The following CADM1 variants were observed in gnomAD, a reference collection of about 807,000 sequenced individuals.
The protein encoded by CADM1 is cell adhesion molecule 1, also known as TSLC-1.
Under a neutral mutation model 53.1 loss-of-function variants are expected in CADM1, and 15 were observed. The ratio of observed to expected loss-of-function variants is 0.28; its 90% CI spans 0.19 to 0.44. The LOEUF is 0.44. Ranked by LOEUF, CADM1 falls within the 20% of genes least tolerant of loss-of-function variation. The probability of loss-of-function intolerance (pLI) is 1.00; values close to 1 mark genes in which losing one functional copy is unlikely to be tolerated. For missense variants in CADM1, 434 were observed against 611.3 expected, an observed-to-expected ratio of 0.71 and a Z score of 3.06; for synonymous variants, 281 against 243.0, an observed-to-expected ratio of 1.16 and a Z score of -1.45.
At position 115,208,622 on chromosome 11, in the gene CADM1, C is replaced by T. The variant is rs556763732; in HGVS notation, c.1078+952G>A. The stretch of plus-strand genomic sequence containing the variant: ...CTAACAAAATGCAGCGGAAAAGTTA[C>T]TCTTTCAAGAGATATTTTTTTCTCA... On this transcript the variant is annotated intron_variant, in intron 8 of 11. Transcript: ENST00000331581. Among the ~76,000 whole-genome samples the T allele has an allele frequency of 1.2e-4, 18 of 152,320 alleles. No homozygotes were observed. In the Middle Eastern group the frequency reaches 0.02, roughly 173 times the overall value.
chr11:115,434,899 C>T (rs1948148096), intron 1 of CADM1, among the ~76,000 whole-genome samples: 1 of 137,114 alleles, frequency 7.3e-6, no homozygotes, highest in Non-Finnish European at 1.5e-5. Context: ...CTCACTCTGT[C>T]ACCCAGGCTA....
Position 115,173,988 on chromosome 11 carries a change from C to T in CADM1, c.*2486G>A, listed in dbSNP as rs1204884087. On this transcript the variant is annotated 3_prime_UTR_variant, in exon 12 of 12. Transcript: ENST00000331581. ...ACTCAACAATACATTTCAAACAGTGCACTGTATACTTAAGAAAAAATACAT... is the reference window on the plus strand; with the variant it reads ...ACTCAACAATACATTTCAAACAGTGTACTGTATACTTAAGAAAAAATACAT... 1.0e-6 allele frequency: 1 copy of T among 954,070 alleles called. No homozygotes were observed. Among genetic ancestry groups the T allele is most frequent in the Non-Finnish European group, 1.2e-6 (1 of 801,510 alleles). The allele number at this position is 954,070 out of a possible 1,614,324, so 59.1% of individuals were successfully genotyped here.
Position 115,279,792 on chromosome 11 carries a change from G to A in CADM1, c.125-39372C>T, listed in dbSNP as rs75410048. Among the ~76,000 whole-genome samples the A allele has an allele frequency of 2.9e-3, 437 of 152,180 alleles. 8 individuals carry two copies. Among genetic ancestry groups the A allele is most frequent in the South Asian group, 0.012 (58 of 4,822 alleles). ...TCACACATACCCAAATATATTAAGC[G>A]CAGATCTTGCCATGGGCACCGCATT... On this transcript the variant is annotated intron_variant, in intron 1 of 11. Coordinates refer to ENST00000331581, the MANE Select transcript of CADM1 (RefSeq NM_001301043.2).
At chr11:115,272,327 G>C (rs1258668941) in intron 1 of CADM1, among the ~76,000 whole-genome samples, 5 of 151,770 alleles carry the variant, frequency 3.3e-5, no homozygotes, top group Admixed American at 3.3e-4. Flanking sequence ...CTCTACTCTT[G>C]ATTTTTGAGC....
At chr11:115,366,580 CATTTT>C (rs1366749175) in intron 1 of CADM1, among the ~76,000 whole-genome samples, 1 of 152,164 alleles carries the variant, frequency 6.6e-6, no homozygotes, top group Non-Finnish European at 1.5e-5. Context: ...AGAAATACGT[CATTTT>C]GTTTCCAAAT....
At chr11:115,273,085 C>T (rs1168113536) in intron 1 of CADM1, among the ~76,000 whole-genome samples, 3 of 152,100 alleles carry the variant, frequency 2.0e-5, no homozygotes, top group Non-Finnish European at 4.4e-5. Flanking sequence ...AAGAAAGCTA[C>T]TTAGTCGTCA....
chr11:115,338,057 C>T (rs1018810167), intron 1 of CADM1, among the ~76,000 whole-genome samples: 1 of 151,758 alleles, frequency 6.6e-6, no homozygotes, highest in Non-Finnish European at 1.5e-5. Context: ...TCAGATGAAG[C>T]GAGTAGATGA....
At chr11:115,250,730 C>A (rs529096786) in intron 1 of CADM1, among the ~76,000 whole-genome samples, 55 of 151,916 alleles carry the variant, frequency 3.6e-4, no homozygotes, top group African/African-American at 1.3e-3. Context: ...TTTTCCCTTT[C>A]TTCACATTAT....
chr11:115,272,576 A>G (rs1477563937), intron 1 of CADM1, among the ~76,000 whole-genome samples: 1 of 152,174 alleles, frequency 6.6e-6, no homozygotes, highest in Non-Finnish European at 1.5e-5. Context: ...ATCTAACATT[A>G]GCAATTTGAA....
intron 1 of CADM1, among the ~76,000 whole-genome samples, chr11:115,373,960 T>C (rs1946377173): frequency 1.3e-5 from 2 of 152,226 alleles, no homozygotes; most frequent in South Asian, 2.1e-4. Context: ...GGAGTCCTTA[T>C]ACATTTTATC....
intron 1 of CADM1, among the ~76,000 whole-genome samples, chr11:115,308,027 C>A (rs1291492285): frequency 6.6e-6 from 1 of 151,384 alleles, no homozygotes; most frequent in Non-Finnish European, 1.5e-5. Context: ...TCAAATAATA[C>A]CCAAATAAAA....
intron 8 of CADM1, among the ~76,000 whole-genome samples, chr11:115,200,707 C>T (rs1940385179): frequency 6.6e-6 from 1 of 152,210 alleles, no homozygotes; most frequent in Admixed American, 6.5e-5. Flanking sequence ...GTTGGTCAGG[C>T]TGGTCTCAAA....
chr11:115,312,995 A>AT (rs1248234430), intron 1 of CADM1, among the ~76,000 whole-genome samples: 1 of 152,116 alleles, frequency 6.6e-6, no homozygotes, highest in Non-Finnish European at 1.5e-5. Flanking sequence ...GCTGTAAATG[A>AT]TTTTTTAGAT....
intron 1 of CADM1, among the ~76,000 whole-genome samples, chr11:115,384,140 A>C (rs948927996): frequency 6.6e-6 from 1 of 152,220 alleles, no homozygotes. Context: ...ACTGCCTTTA[A>C]AATTTTTAAC....
chr11:115,268,659 C>A (rs1943211690), intron 1 of CADM1, among the ~76,000 whole-genome samples: 1 of 152,198 alleles, frequency 6.6e-6, no homozygotes, highest in Non-Finnish European at 1.5e-5. Context: ...AGATTTTCTT[C>A]TTTGCTTTCT....
intron 8 of CADM1, 92 bp downstream of exon 8, chr11:115,209,482 G>A (rs1176301939): frequency 6.4e-6 from 10 of 1,568,766 alleles, no homozygotes; most frequent in South Asian, 2.3e-5. Flanking sequence ...TAAATTCCAA[G>A]GATTTAAAGG....
At chr11:115,272,661 CT>C in intron 1 of CADM1, among the ~76,000 whole-genome samples, 1 of 146,856 alleles carries the variant, frequency 6.8e-6, no homozygotes, top group Non-Finnish European at 1.5e-5. Context: ...AAGATTATTT[CT>C]ACGATGAAAC....
At chr11:115,344,351 T>C (rs950556985) in intron 1 of CADM1, among the ~76,000 whole-genome samples, 1 of 152,202 alleles carries the variant, frequency 6.6e-6, no homozygotes, top group African/African-American at 2.4e-5. Context: ...CCTTTAACTA[T>C]CATTTCTCTA....
intron 1 of CADM1, among the ~76,000 whole-genome samples, chr11:115,361,384 A>G (rs1946025022): frequency 6.6e-6 from 1 of 152,222 alleles, no homozygotes; most frequent in South Asian, 2.1e-4. Flanking sequence ...ATCAGAATGT[A>G]TAACTCAGAT....
Sources: allele counts gnomAD v4.1 joint callset (sites outside exome capture counted in the v4.1 genomes callset), GRCh38; gene constraint gnomAD v4.1.1; transcripts MANE v1.5; gene names NCBI Gene and HGNC (gene_info 2026-07-23, HGNC 2026-07-21).